The following SLC8A1 variants were observed in gnomAD, a reference collection of about 807,000 sequenced individuals.
SLC8A1 encodes the protein solute carrier family 8 member A1, also known as sodium/calcium exchanger 1.
SLC8A1 carries 18 observed loss-of-function variants against 68.3 expected under a neutral mutation model. That is an observed-to-expected ratio of 0.26 (90% CI 0.18 to 0.39). The LOEUF is 0.39. Among genes scored for constraint, SLC8A1 ranks in the 10% least tolerant of loss-of-function variants. The pLI, the probability that SLC8A1 is intolerant of heterozygous loss-of-function variation, is 1.00. For synonymous variants in SLC8A1, 475 were observed against 415.5 expected (o/e 1.14, Z -1.74); for missense variants, 985 against 1,156.7 (o/e 0.85, Z 2.15).
In SLC8A1 at chr2:40,398,620, T is replaced by C. The variant is rs549577572; in HGVS notation, c.1808+29853A>G. Among the ~76,000 whole-genome samples, 30 of 152,320 alleles carry C rather than the reference T, an allele frequency of 2.0e-4. 1 individual carries two copies. Among genetic ancestry groups the C allele is most frequent in the African/African-American group, 6.7e-4 (28 of 41,556 alleles). ...AAATGCAATCATAGAATAGTCAATA[T>C]GATTTTTAAAAGTCCCTTTTATGAA... On this transcript the variant is annotated intron_variant, in intron 2 of 7. Coordinates refer to ENST00000406785, the Ensembl canonical transcript of SLC8A1.
At chr2:40,123,206 C>A (rs561615001) in intron 7 of SLC8A1, 4 of 152,222 alleles carry the variant, frequency 2.6e-5, no homozygotes, top group Non-Finnish European at 1.5e-5. Flanking sequence ...CATTTGACAA[C>A]GGACAGAGTG....
intron 2 of SLC8A1, among the ~76,000 whole-genome samples, chr2:40,234,350 T>C (rs1172846803): frequency 2.6e-5 from 4 of 151,960 alleles, no homozygotes; most frequent in African/African-American, 9.7e-5. Context: ...TATTTTATTC[T>C]CTTTGAAGCA....
At chr2:40,323,721 C>T (rs915443240) in intron 2 of SLC8A1, among the ~76,000 whole-genome samples, 12 of 152,056 alleles carry the variant, frequency 7.9e-5, no homozygotes, top group Non-Finnish European at 1.0e-4. Context: ...AACCCTCCTA[C>T]CCAAACGGCT....
intron 2 of SLC8A1, among the ~76,000 whole-genome samples, chr2:40,348,785 G>C (rs74707074): frequency 6.6e-6 from 1 of 152,138 alleles, no homozygotes. Context: ...GAGGGAAGCG[G>C]TATTCAGTCT....
At chr2:40,424,435 T>C (rs1696330403) in intron 2 of SLC8A1, among the ~76,000 whole-genome samples, 1 of 151,848 alleles carries the variant, frequency 6.6e-6, no homozygotes, top group Admixed American at 6.6e-5. Flanking sequence ...AATATAATAA[T>C]AATTCCATAG....
At chr2:40,195,224 G>A (rs1174867081) in intron 2 of SLC8A1, among the ~76,000 whole-genome samples, 2 of 152,200 alleles carry the variant, frequency 1.3e-5, no homozygotes, top group African/African-American at 4.8e-5. Flanking sequence ...TACTGCTTTT[G>A]TTTCTGAGTA....
At chr2:40,496,016 C>A (rs1487779070) in intron 1 of SLC8A1, among the ~76,000 whole-genome samples, 1 of 151,366 alleles carries the variant, frequency 6.6e-6, no homozygotes, top group African/African-American at 2.4e-5. Context: ...CAGACTCATT[C>A]AGGGGCTCCA....
rs1167067025 is a variant in SLC8A1, at chr2:40,103,976, G to A, written c.*11277C>T. ...GACCATACGGGGCTTGATGTGTTCT[G>A]GAAAATCAAGCTAAAGGTAAAGTCT... On this transcript the variant is annotated 3_prime_UTR_variant, in exon 8 of 8. Transcript: ENST00000406785. The A allele has an allele frequency of 4.6e-5, 7 of 152,238 alleles. No individual in the cohort carries two copies. In the East Asian group the frequency reaches 1.3e-3, roughly 29 times the overall value. The allele number at this position is 152,238 out of a possible 1,614,324, so 9.4% of individuals were successfully genotyped here.
At chr2:40,486,883 C>A (rs1285093889) in intron 1 of SLC8A1, among the ~76,000 whole-genome samples, 1 of 108,132 alleles carries the variant, frequency 9.2e-6, no homozygotes, top group Non-Finnish European at 1.7e-5. Context: ...TCCCCCCACC[C>A]CTTTGTAGAG....
At chr2:40,226,057 G>A (rs888766202) in intron 2 of SLC8A1, among the ~76,000 whole-genome samples, 1 of 152,118 alleles carries the variant, frequency 6.6e-6, no homozygotes, top group Non-Finnish European at 1.5e-5. Context: ...AGCTTTGCTT[G>A]CAATTAGTCT....
upstream of SLC8A1, among the ~76,000 whole-genome samples, chr2:40,455,365 T>G (rs935782579): frequency 9.9e-5 from 15 of 152,214 alleles, no homozygotes; most frequent in African/African-American, 3.6e-4. Flanking sequence ...ATTCCTTTCA[T>G]TTTTACTTTG....
intron 2 of SLC8A1, among the ~76,000 whole-genome samples, chr2:40,219,875 ATTTTTTTTTTTTT>A (rs1162934399): frequency 7.2e-5 from 2 of 27,794 alleles, no homozygotes; most frequent in African/African-American, 9.1e-5. Context: ...CTACTATAGG[ATTTTTTTTTTTTT>A]TTTTTTTTTT....
chr2:40,384,967 A>T (rs1306980573), intron 2 of SLC8A1, among the ~76,000 whole-genome samples: 1 of 152,032 alleles, frequency 6.6e-6, no homozygotes, highest in African/African-American at 2.4e-5. Context: ...AATGCCTGCC[A>T]CCACTTCTCC....
At chr2:40,324,143 T>A (rs1403916187) in intron 2 of SLC8A1, among the ~76,000 whole-genome samples, 3 of 152,080 alleles carry the variant, frequency 2.0e-5, no homozygotes. Context: ...GATGGAGATA[T>A]TCTAAACAGA....
chr2:40,338,397 GCTT>G (rs1216560934), intron 2 of SLC8A1, among the ~76,000 whole-genome samples: 1 of 152,118 alleles, frequency 6.6e-6, no homozygotes, highest in Non-Finnish European at 1.5e-5. Context: ...ATGCCTTAAA[GCTT>G]CTTTTCTATA....
intron 2 of SLC8A1, among the ~76,000 whole-genome samples, chr2:40,309,085 A>G (rs1186273354): frequency 6.6e-6 from 1 of 152,196 alleles, no homozygotes; most frequent in Non-Finnish European, 1.5e-5. Flanking sequence ...AAGCTTCACC[A>G]GTGAAATCCA....
intron 2 of SLC8A1, among the ~76,000 whole-genome samples, chr2:40,400,011 C>A (rs1688215271): frequency 6.6e-6 from 1 of 152,160 alleles, no homozygotes; most frequent in Non-Finnish European, 1.5e-5. Context: ...CTGTGAAAAT[C>A]CCTATCCTGT....
chr2:40,439,484 C>T (rs1700082612), intron 1 of SLC8A1, among the ~76,000 whole-genome samples: 1 of 152,154 alleles, frequency 6.6e-6, no homozygotes, highest in Non-Finnish European at 1.5e-5. Context: ...CCTGTGGTCA[C>T]TCTTTCTTCT....
At chr2:40,399,782 T>C (rs1306812394) in intron 2 of SLC8A1, among the ~76,000 whole-genome samples, 1 of 152,146 alleles carries the variant, frequency 6.6e-6, no homozygotes, top group Non-Finnish European at 1.5e-5. Context: ...ACCATCTTTC[T>C]AAATTCCTTA....
Sources: allele counts gnomAD v4.1 joint callset (sites outside exome capture counted in the v4.1 genomes callset), GRCh38; gene constraint gnomAD v4.1.1; transcripts MANE v1.5; gene names NCBI Gene and HGNC (gene_info 2026-07-23, HGNC 2026-07-21).